OR10H5: variants seen among roughly 807,000 people sequenced by gnomAD.
OR10H5 encodes olfactory receptor family 10 subfamily H member 5.
In OR10H5, 7 loss-of-function variants were observed where a neutral mutation model predicts 12.2. The ratio of observed to expected loss-of-function variants is 0.57; its 90% confidence interval spans 0.33 to 1.07. OR10H5 has a LOEUF of 1.07. Ranked by LOEUF, OR10H5 falls within the 50% of genes least tolerant of loss-of-function variation. OR10H5 has a pLI of 0.04. For synonymous variants in OR10H5, 159 were observed against 175.1 expected, an observed-to-expected ratio of 0.91 and a Z score of 0.73; for missense variants, 346 against 411.6, an observed-to-expected ratio of 0.84 and a Z score of 1.38.
rs61754881 is a variant in OR10H5, at chr19:15,794,461, T to A, written c.413T>A (p.Leu138Gln). The A allele has an allele frequency of 6.2e-7, 1 of 1,614,184 alleles. No homozygotes were observed. Residue 138 changes from leucine (L) to glutamine (Q), a missense_variant, in exon 2 of 2, where the codon CTG becomes CAG. Coordinates refer to ENST00000642092, the MANE Select transcript of OR10H5 (RefSeq NM_001004466.2). Reference protein sequence around the residue: ...HPLRYNVLMSLRGCTCRVGCS... With the variant: ...HPLRYNVLMSQRGCTCRVGCS... ...CTGCGTTACAACGTGCTCATGAGCCTGCGGGGCTGCACCTGCCGGGTGGGC... is the reference window on the plus strand; with the variant it reads ...CTGCGTTACAACGTGCTCATGAGCCAGCGGGGCTGCACCTGCCGGGTGGGC...
At chr19:15,787,868 T>C (rs970096491) in intron 1 of OR10H5, among the ~76,000 whole-genome samples, 152 bp downstream of exon 1, 1 of 152,058 alleles carries the variant, frequency 6.6e-6, no homozygotes, top group Admixed American at 6.5e-5. Flanking sequence ...CATGGGATGA[T>C]ATGGAGTAGG....
intron 1 of OR10H5, among the ~76,000 whole-genome samples, chr19:15,790,897 A>C (rs2088806563): frequency 6.6e-6 from 1 of 152,118 alleles, no homozygotes; most frequent in African/African-American, 2.4e-5. Context: ...AGGAAGTGTA[A>C]TATTGGGGTG....
At chr19:15,787,876 AG>A (rs2088789477) in intron 1 of OR10H5, among the ~76,000 whole-genome samples, 160 bp downstream of exon 1, 1 of 152,176 alleles carries the variant, frequency 6.6e-6, no homozygotes, top group Admixed American at 6.5e-5. Context: ...GATATGGAGT[AG>A]GGGTTCTATA....
intron 1 of OR10H5, among the ~76,000 whole-genome samples, chr19:15,789,340 G>C (rs1490312132): frequency 6.6e-6 from 1 of 152,230 alleles, no homozygotes; most frequent in African/African-American, 2.4e-5. Flanking sequence ...GTCTGCCTTT[G>C]CATCTGTGTG....
At chr19:15,791,085 C>T (rs1039202093) in intron 1 of OR10H5, among the ~76,000 whole-genome samples, 11 of 152,148 alleles carry the variant, frequency 7.2e-5, no homozygotes, top group African/African-American at 2.7e-4. Context: ...GTGACTCACG[C>T]CTGTAATCCC....
chr19:15,793,223 G>A (rs938903652), intron 1 of OR10H5, among the ~76,000 whole-genome samples: 2 of 151,792 alleles, frequency 1.3e-5, no homozygotes, highest in Non-Finnish European at 2.9e-5. Flanking sequence ...AGGCTCAATC[G>A]ATCCTCCCAC....
chr19:15,794,976 CTCTT>C lies in OR10H5; in HGVS notation c.931_934del (p.Phe311HisfsTer56). On this transcript the variant is annotated frameshift_variant, in exon 2 of 2. Coordinates refer to ENST00000642092, the MANE Select transcript of OR10H5 (RefSeq NM_001004466.2). LOFTEE classifies it high-confidence loss of function. The stretch of plus-strand genomic sequence containing the variant: ...CATGAAGAAGACTTGCTTCACCAAA[CTCTT>C]TCCACAGAACTGCTGAAATGGCTGA... 1.2e-6 allele frequency: 2 copies of C among 1,614,110 alleles called. No homozygotes were observed. Among genetic ancestry groups the C allele is most frequent in the Non-Finnish European group, 8.5e-7 (1 of 1,179,980 alleles).
At chr19:15,792,777 A>C (rs1028344477) in intron 1 of OR10H5, among the ~76,000 whole-genome samples, 2 of 152,056 alleles carry the variant, frequency 1.3e-5, no homozygotes, top group African/African-American at 4.8e-5. Context: ...TTAACCTTAA[A>C]TTCTTAAGTG....
At position 15,797,412 on chromosome 19, in the gene OR10H5, A is replaced by C. The variant is rs2088845336; in HGVS notation, c.*2416A>C. The stretch of plus-strand genomic sequence containing the variant: ...GTGTGAGTTTGAAAGAGTGCAGGAA[A>C]GGTGGCTTCTGGGTTATATCCAAGA... On this transcript the variant is annotated 3_prime_UTR_variant, in exon 2 of 2. Coordinates refer to ENST00000642092, the MANE Select transcript of OR10H5 (RefSeq NM_001004466.2). 1 of 152,202 alleles carries C rather than the reference A, an allele frequency of 6.6e-6. No homozygotes were observed. Among genetic ancestry groups the C allele is most frequent in the Non-Finnish European group, 1.5e-5 (1 of 68,034 alleles). 9.4% of individuals were successfully genotyped at this position (152,202 alleles called of 1,614,324 possible).
chr19:15,787,730 T>C lies in OR10H5; in HGVS notation c.-12+14T>C. Reference sequence around the variant, plus strand: ...TCTCTGATGAAGGTAAGTGGAGTCGTCTATTTCCAAACCTGCTTTCCAGGA... The same window carrying C: ...TCTCTGATGAAGGTAAGTGGAGTCGCCTATTTCCAAACCTGCTTTCCAGGA... On this transcript the variant is annotated intron_variant, in intron 1 of 1. Coordinates refer to ENST00000642092, the MANE Select transcript of OR10H5 (RefSeq NM_001004466.2). 6.6e-6 allele frequency: 1 copy of C among 152,476 alleles called. No homozygotes were observed. Among genetic ancestry groups the C allele is most frequent in the Non-Finnish European group, 1.5e-5 (1 of 68,156 alleles). The allele number at this position is 152,476 out of a possible 1,614,324, so 9.4% of individuals were successfully genotyped here.
rs2088855646 is a variant in OR10H5 at position 15,799,245 on chromosome 19, G to A, written c.*4249G>A. On this transcript the variant is annotated 3_prime_UTR_variant, in exon 2 of 2. Transcript: ENST00000642092. ...CCCTGCTGTCCCGGCAGTAAACCAA[G>A]CACACCCGGACCCCAGGAACCTTGC... 6.6e-6 allele frequency: 1 copy of A among 151,968 alleles called. No homozygotes were observed. The allele number at this position is 151,968 out of a possible 1,614,324, so 9.4% of individuals were successfully genotyped here.
At chr19:15,791,869 A>G (rs1031551225) in intron 1 of OR10H5, among the ~76,000 whole-genome samples, 1 of 151,434 alleles carries the variant, frequency 6.6e-6, no homozygotes, top group African/African-American at 2.4e-5. Flanking sequence ...ATTTTTTTGT[A>G]TTTTTAGTAG....
Position 15,794,305 on chromosome 19 carries a change from T to G in OR10H5, c.257T>G (p.Leu86Arg), listed in dbSNP as rs139928028. ...AIIPRMLADLLSTQRSIAFLA... is the reference protein window; with the variant it reads ...AIIPRMLADLRSTQRSIAFLA... ...ATCCCGCGCATGCTGGCCGACCTGCTGTCCACCCAGCGCTCCATCGCCTTC... is the reference window on the plus strand; with the variant it reads ...ATCCCGCGCATGCTGGCCGACCTGCGGTCCACCCAGCGCTCCATCGCCTTC... Residue 86 changes from leucine to arginine, a missense_variant, in exon 2 of 2, where the codon CTG becomes CGG. Transcript: ENST00000642092. 8 of 1,614,018 alleles carry G rather than the reference T, an allele frequency of 5.0e-6. No homozygotes were observed. The highest frequency in any genetic ancestry group is 5.9e-6 in the Non-Finnish European group (7 of 1,179,998).
chr19:15,787,812 T>C (rs1040131535), intron 1 of OR10H5, 96 bp downstream of exon 1: 2 of 152,226 alleles, frequency 1.3e-5, no homozygotes, highest in African/African-American at 4.8e-5. Flanking sequence ...GCAGGGAAAA[T>C]TGGAACAGAG....
rs1403936915 is a variant in OR10H5, at chr19:15,795,728, T to A, written c.*732T>A. On this transcript the variant is annotated 3_prime_UTR_variant, in exon 2 of 2. Transcript: ENST00000642092. ...GCTTTAGGTGCTTAACACATGTGAG[T>A]TATTTTACTTCACAGGGAAGATAGG... The A allele has an allele frequency of 6.6e-6, 1 of 152,188 alleles. No individual in the cohort carries two copies. The highest frequency in any genetic ancestry group is 1.5e-5 in the Non-Finnish European group (1 of 68,082). The allele number at this position is 152,188 out of a possible 1,614,324, so 9.4% of individuals were successfully genotyped here.
In OR10H5 at chr19:15,795,177, C is replaced by T. The variant is rs2088834053; in HGVS notation, c.*181C>T. On this transcript the variant is annotated 3_prime_UTR_variant, in exon 2 of 2. Coordinates refer to ENST00000642092, the MANE Select transcript of OR10H5 (RefSeq NM_001004466.2). ...CTACAGTCCACCCTCCCTCCCCCCT[C>T]CTCCTTGCCTTCCTTCCATCCTTCC... 1 of 578,198 alleles carries T rather than the reference C, an allele frequency of 1.7e-6. No homozygotes were observed. The highest frequency in any genetic ancestry group is 3.3e-5 in the Admixed American group (1 of 30,014). 35.8% of individuals were successfully genotyped at this position (578,198 alleles called of 1,614,324 possible).
intron 1 of OR10H5, among the ~76,000 whole-genome samples, chr19:15,789,466 G>C: frequency 6.6e-6 from 1 of 152,194 alleles, no homozygotes; most frequent in East Asian, 1.9e-4. Flanking sequence ...TGCCAGCCTG[G>C]GATTCTGCAT....
chr19:15,791,555 T>C (rs2088809240), intron 1 of OR10H5, among the ~76,000 whole-genome samples: 1 of 152,116 alleles, frequency 6.6e-6, no homozygotes, highest in Non-Finnish European at 1.5e-5. Context: ...TCATCATTGA[T>C]ATGAACAACA....
chr19:15,793,252 C>G (rs1215517733), intron 1 of OR10H5, among the ~76,000 whole-genome samples: 1 of 152,028 alleles, frequency 6.6e-6, no homozygotes, highest in Admixed American at 6.6e-5. Context: ...CTCAACTAGC[C>G]AGGACCACAG....
Sources: gnomAD v4.1 joint callset for allele counts (sites outside exome capture counted in the v4.1 genomes callset) on GRCh38, gnomAD v4.1.1 for gene constraint, MANE v1.5 for transcripts, NCBI Gene and HGNC (gene_info 2026-07-23, HGNC 2026-07-21) for gene names.